MALRD1: variants seen among roughly 807,000 people sequenced by gnomAD.
MALRD1 encodes the protein MAM and LDL-receptor class A domain-containing protein 1.
Under a neutral mutation model 242.1 loss-of-function variants are expected in MALRD1, and 247 were observed. That is an observed-to-expected ratio of 1.02 (90% CI 0.92 to 1.13). The LOEUF (loss-of-function observed/expected upper bound fraction) is 1.13. MALRD1 is among the 50% of genes most tolerant of loss of function. The probability of loss-of-function intolerance (pLI) is 0.00; values close to 1 mark genes in which losing one functional copy is unlikely to be tolerated. For synonymous variants in MALRD1, 995 were observed against 866.6 expected (o/e 1.15, Z -2.60); for missense variants, 2,989 against 2,533.1 (o/e 1.18, Z -3.86).
rs138866054 is a variant in MALRD1, at chr10:19,181,669, C to T, written c.1951+6341C>T. 3.2e-3 allele frequency among the ~76,000 whole-genome samples: 487 copies of T among 151,818 alleles called. 5 individuals carry two copies. The highest frequency in any genetic ancestry group is 0.013 in the East Asian group (66 of 5,152). On this transcript the variant is annotated intron_variant, in intron 14 of 39. Transcript: ENST00000454679. ...TACAGTTAATAACACTTGAGGACTA[C>T]AGTTAATAACAGATTTGAGATTTGA...
chr10:19,135,498 C>G (rs1383803753), intron 9 of MALRD1, among the ~76,000 whole-genome samples: 1 of 152,116 alleles, frequency 6.6e-6, no homozygotes, highest in South Asian at 2.1e-4. Context: ...AAACTTTAAG[C>G]TGGATGAAAC....
chr10:19,412,558 T>G (rs1314350536), intron 28 of MALRD1, among the ~76,000 whole-genome samples: 1 of 152,200 alleles, frequency 6.6e-6, no homozygotes, highest in African/African-American at 2.4e-5. Flanking sequence ...GAAGACATGA[T>G]GAGCTAAGAA....
At chr10:19,124,928 TA>T (rs1837200433) in intron 7 of MALRD1, among the ~76,000 whole-genome samples, 1 of 120,324 alleles carries the variant, frequency 8.3e-6, no homozygotes, top group South Asian at 2.7e-4. Context: ...CAAAAAGTAT[TA>T]AAAGGCTTTT....
chr10:19,611,141 C>G (rs1026384271), intron 35 of MALRD1, among the ~76,000 whole-genome samples: 8 of 151,950 alleles, frequency 5.3e-5, no homozygotes, highest in Non-Finnish European at 1.0e-4. Context: ...TTTAATTTCA[C>G]CTTCCTAGCA....
At chr10:19,219,119 T>C (rs1175813932) in intron 18 of MALRD1, among the ~76,000 whole-genome samples, 2 of 152,110 alleles carry the variant, frequency 1.3e-5, no homozygotes, top group African/African-American at 4.8e-5. Flanking sequence ...TTTTCCCACG[T>C]TTTCTAAATA....
At chr10:19,253,752 A>T (rs1275611875) in intron 18 of MALRD1, among the ~76,000 whole-genome samples, 3 of 151,900 alleles carry the variant, frequency 2.0e-5, no homozygotes, top group African/African-American at 7.2e-5. Context: ...CAAATCTTCC[A>T]TTTCCTGATA....
intron 21 of MALRD1, among the ~76,000 whole-genome samples, chr10:19,321,298 C>G (rs148958700): frequency 6.6e-6 from 1 of 152,060 alleles, no homozygotes; most frequent in African/African-American, 2.4e-5. Flanking sequence ...GTTGGGATTT[C>G]ATTTAATCTT....
chr10:19,141,358 CGGTGGTTCCCA>C, intron 10 of MALRD1, among the ~76,000 whole-genome samples: 1 of 151,850 alleles, frequency 6.6e-6, no homozygotes, highest in African/African-American at 2.4e-5. Flanking sequence ...GATAGTAAAA[CGGTGGTTCCCA>C]GGGTTTGAGG....
chr10:19,715,261 C>G lies in MALRD1; in HGVS notation c.6315-15445C>G, dbSNP rs960808207. Among the ~76,000 whole-genome samples the G allele has an allele frequency of 8.6e-5, 13 of 151,748 alleles. 1 individual carries two copies. ...AAGACTTTTCTTAAGGTGGGTTATA[C>G]CTATCAAGACTTACCATATAAGAAA... On this transcript the variant is annotated intron_variant, in intron 38 of 39. Coordinates refer to ENST00000454679, the MANE Select transcript of MALRD1 (RefSeq NM_001142308.3).
intron 36 of MALRD1, among the ~76,000 whole-genome samples, chr10:19,681,824 G>C (rs1842383717): frequency 6.7e-6 from 1 of 148,158 alleles, no homozygotes; most frequent in Non-Finnish European, 1.5e-5. Context: ...TAAGGCTACT[G>C]ACCTTTGGAT....
intron 28 of MALRD1, among the ~76,000 whole-genome samples, chr10:19,404,366 T>C (rs1846997942): frequency 6.6e-6 from 1 of 152,064 alleles, no homozygotes; most frequent in South Asian, 2.1e-4. Flanking sequence ...CCTTGTAGAA[T>C]GATTAAGGGC....
At chr10:19,642,065 A>G (rs1390189633) in intron 36 of MALRD1, among the ~76,000 whole-genome samples, 3 of 152,202 alleles carry the variant, frequency 2.0e-5, no homozygotes, top group Non-Finnish European at 4.4e-5. Flanking sequence ...ATGATACATT[A>G]CAAACTCAAC....
chr10:19,617,602 A>G (rs1839219548), intron 36 of MALRD1, among the ~76,000 whole-genome samples: 2 of 152,024 alleles, frequency 1.3e-5, no homozygotes, highest in South Asian at 4.1e-4. Flanking sequence ...GAGTCTTTTT[A>G]AAATATACAG....
chr10:19,247,783 A>G (rs148958045), intron 18 of MALRD1, among the ~76,000 whole-genome samples: 177 of 152,218 alleles, frequency 1.2e-3, no homozygotes, highest in Non-Finnish European at 2.1e-3. Context: ...GAAATACTAT[A>G]ACTTTTAAAG....
At chr10:19,593,730 G>A (rs1489818900) in intron 33 of MALRD1, among the ~76,000 whole-genome samples, 1 of 152,150 alleles carries the variant, frequency 6.6e-6, no homozygotes, top group African/African-American at 2.4e-5. Context: ...TCTGCTTTAA[G>A]TTTGACTTAA....
chr10:19,048,140 T>A (rs1211155822), upstream of MALRD1, among the ~76,000 whole-genome samples: 3 of 152,208 alleles, frequency 2.0e-5, no homozygotes, highest in Non-Finnish European at 4.4e-5. Flanking sequence ...GACAGGTGAA[T>A]TCTTGTGCTA....
chr10:19,384,630 A>ATATT lies in MALRD1; in HGVS notation c.4442-2898_4442-2897insTATT, dbSNP rs1185932565. Among the ~76,000 whole-genome samples, 12 of 131,956 alleles carry ATATT rather than the reference A, an allele frequency of 9.1e-5. 1 individual carries two copies. Among genetic ancestry groups the ATATT allele is most frequent in the Admixed American group, 8.0e-4 (9 of 11,244 alleles). The allele number at this position is 131,956 out of a possible 152,430, so 86.6% of individuals were successfully genotyped here. A position where few individuals can be genotyped will look rare whatever the true frequency, so the allele number is the denominator to read the frequency against. ...GTATATATAATATAATATTTACTAT[A>ATATT]ATATAATATATAGTATATATAATAT... is the stretch of plus-strand genomic sequence containing the variant. On this transcript the variant is annotated intron_variant, in intron 26 of 39. Transcript: ENST00000454679.
At chr10:19,626,006 T>A (rs1281296774) in intron 36 of MALRD1, among the ~76,000 whole-genome samples, 1 of 152,156 alleles carries the variant, frequency 6.6e-6, no homozygotes, top group African/African-American at 2.4e-5. Context: ...GAAAAATCAT[T>A]CCAAAGTTTC....
At chr10:19,084,841 A>C (rs1835613683) in intron 2 of MALRD1, among the ~76,000 whole-genome samples, 1 of 152,036 alleles carries the variant, frequency 6.6e-6, no homozygotes, top group Non-Finnish European at 1.5e-5. Context: ...TAAGACTATA[A>C]ATGAAATTAT....
Sources: gnomAD v4.1 joint callset for allele counts (sites outside exome capture counted in the v4.1 genomes callset) on GRCh38, gnomAD v4.1.1 for gene constraint, MANE v1.5 for transcripts, NCBI Gene and HGNC (gene_info 2026-07-23, HGNC 2026-07-21) for gene names.